The following FAM117B variants were observed in gnomAD, a reference collection of about 807,000 sequenced individuals.
The protein encoded by FAM117B is family with sequence similarity 117 member B, also known as protein FAM117B.
A neutral mutation model predicts 52.8 loss-of-function variants in FAM117B; 22 were observed. The ratio of observed to expected loss-of-function variants is 0.42; its 90% CI spans 0.30 to 0.59. The LOEUF (loss-of-function observed/expected upper bound fraction) is 0.59. Ranked by LOEUF, FAM117B falls within the 20% of genes least tolerant of loss-of-function variation. The pLI is 0.22. For missense variants in FAM117B, 678 were observed against 802.6 expected, an observed-to-expected ratio of 0.84 and a Z score of 1.88; for synonymous variants, 309 against 324.1, an observed-to-expected ratio of 0.95 and a Z score of 0.50.
intron 1 of FAM117B, among the ~76,000 whole-genome samples, chr2:202,668,422 G>A (rs1159895515): frequency 2.7e-5 from 4 of 145,698 alleles, no homozygotes; most frequent in Admixed American, 6.9e-5. Flanking sequence ...CAGCTACTTC[G>A]GAGGCTGAGG....
At chr2:202,764,665 T>C (rs1477087689) in intron 7 of FAM117B, among the ~76,000 whole-genome samples, 1 of 152,214 alleles carries the variant, frequency 6.6e-6, no homozygotes. Flanking sequence ...ATTTCTGTGT[T>C]GCTTTAACAA....
At chr2:202,739,493 C>T (rs1286480082) in intron 4 of FAM117B, among the ~76,000 whole-genome samples, 1 of 119,448 alleles carries the variant, frequency 8.4e-6, no homozygotes, top group East Asian at 3.0e-4. Context: ...CCTAGGGTTT[C>T]ACTCTGTCAC....
intron 2 of FAM117B, among the ~76,000 whole-genome samples, chr2:202,718,184 G>A (rs562723761): frequency 6.6e-6 from 1 of 151,484 alleles, no homozygotes; most frequent in Non-Finnish European, 1.5e-5. Flanking sequence ...CAGGGCAGTG[G>A]TTTCCCCTCT....
At chr2:202,716,930 C>G (rs1396511027) in intron 2 of FAM117B, among the ~76,000 whole-genome samples, 1 of 152,176 alleles carries the variant, frequency 6.6e-6, no homozygotes, top group Non-Finnish European at 1.5e-5. Flanking sequence ...TCTGTGTTAT[C>G]TGGAATTTCT....
chr2:202,636,601 T>G (rs1008170089), intron 1 of FAM117B, among the ~76,000 whole-genome samples: 1 of 152,212 alleles, frequency 6.6e-6, no homozygotes, highest in Non-Finnish European at 1.5e-5. Flanking sequence ...AAAGAGTAAC[T>G]CAAAAGAGAA....
intron 7 of FAM117B, among the ~76,000 whole-genome samples, chr2:202,765,048 A>C (rs1691954434): frequency 6.6e-6 from 1 of 152,202 alleles, no homozygotes; most frequent in African/African-American, 2.4e-5. Context: ...TGGCAGTGGA[A>C]TATACCATAC....
At chr2:202,745,217 T>A (rs1309326546) in intron 4 of FAM117B, among the ~76,000 whole-genome samples, 8 of 151,652 alleles carry the variant, frequency 5.3e-5, no homozygotes, top group Admixed American at 2.0e-4. Flanking sequence ...GAGGCAGAGG[T>A]TGCAGTGAGT....
intron 1 of FAM117B, among the ~76,000 whole-genome samples, chr2:202,689,738 T>C (rs1468251844): frequency 6.6e-6 from 1 of 151,906 alleles, no homozygotes; most frequent in East Asian, 1.9e-4. Context: ...GGCAAAATGG[T>C]GAAACTCCAT....
At chr2:202,702,896 G>A (rs1411564880) in intron 2 of FAM117B, among the ~76,000 whole-genome samples, 1 of 152,104 alleles carries the variant, frequency 6.6e-6, no homozygotes, top group Non-Finnish European at 1.5e-5. Context: ...AGGTATGTTT[G>A]TTAAGACATA....
intron 1 of FAM117B, among the ~76,000 whole-genome samples, chr2:202,650,239 G>A (rs77816240): frequency 6.6e-6 from 1 of 152,300 alleles, no homozygotes; most frequent in Non-Finnish European, 1.5e-5. Flanking sequence ...GATAGGATTT[G>A]TTAACTGATT....
chr2:202,754,762 T>C (rs1268157725), intron 4 of FAM117B, among the ~76,000 whole-genome samples: 1 of 150,414 alleles, frequency 6.6e-6, no homozygotes, highest in Non-Finnish European at 1.5e-5. Context: ...TGGTGGCGGG[T>C]GCCTGTAGTC....
intron 1 of FAM117B, among the ~76,000 whole-genome samples, chr2:202,639,558 C>CT (rs1689735502): frequency 6.6e-6 from 1 of 152,136 alleles, no homozygotes; most frequent in African/African-American, 2.4e-5. Flanking sequence ...ATTAAAATGT[C>CT]AAATAGATTA....
chr2:202,661,777 A>G lies in FAM117B; in HGVS notation c.601+25989A>G, dbSNP rs371824515. 2.4e-4 allele frequency among the ~76,000 whole-genome samples: 37 copies of G among 152,194 alleles called. No homozygotes were observed. The East Asian group carries it at 6.4e-3, about 26-fold the overall frequency. ...GTAAAAATACAAAAATTAGCCGGGCATGGTGGCGCGTGCCTGTAATCCCAG... is the reference window on the plus strand; with the variant it reads ...GTAAAAATACAAAAATTAGCCGGGCGTGGTGGCGCGTGCCTGTAATCCCAG... On this transcript the variant is annotated intron_variant, in intron 1 of 7. Transcript: ENST00000392238.
Position 202,755,656 on chromosome 2 carries a change from C to A in FAM117B, c.1079C>A (p.Thr360Asn). The change falls in exon 5 of 8, where the codon ACT becomes AAT. Residue 360 changes from threonine (T) to asparagine (N), a missense_variant. Thr to Asn is a moderately conservative substitution (Grantham distance 65). Coordinates refer to ENST00000392238, the MANE Select transcript of FAM117B (RefSeq NM_173511.4). ...GAGATTGAAATAATAATTAAAGAGA[C>A]TGGGGAAAAGGAAGAGCAACTTATA... ...NQEIEIIIKETGEKEEQLIPQ... is the reference protein window; with the variant it reads ...NQEIEIIIKENGEKEEQLIPQ... The A allele has an allele frequency of 6.2e-7, 1 of 1,613,500 alleles. No individual in the cohort carries two copies. Among genetic ancestry groups the A allele is most frequent in the South Asian group, 1.1e-5 (1 of 90,920 alleles).
chr2:202,717,038 CT>C (rs1201215359), intron 2 of FAM117B, among the ~76,000 whole-genome samples: 2 of 152,110 alleles, frequency 1.3e-5, no homozygotes, highest in Non-Finnish European at 2.9e-5. Flanking sequence ...TGAGGTCATG[CT>C]TTTGTGAATG....
Position 202,691,692 on chromosome 2 carries a change from TGTGTGTGC to T in FAM117B, c.602-4187_602-4180del, listed in dbSNP as rs1484259039. Among the ~76,000 whole-genome samples the T allele has an allele frequency of 7.9e-3, 1,086 of 137,824 alleles. 19 individuals are homozygous for T. Among genetic ancestry groups the T allele is most frequent in the African/African-American group, 0.028 (1,009 of 36,198 alleles). 90.4% of individuals were successfully genotyped at this position (137,824 alleles called of 152,430 possible). On this transcript the variant is annotated intron_variant, in intron 1 of 7. Transcript: ENST00000392238. ...GTGTGTGTGTGTGTGTGTGTGTGTG[TGTGTGTGC>T]GCGCGCGCCTCCCCACCCTGCCAGC...
chr2:202,658,322 GAGAC>G (rs1196540974), intron 1 of FAM117B, among the ~76,000 whole-genome samples: 13 of 151,972 alleles, frequency 8.6e-5, no homozygotes, highest in Admixed American at 8.5e-4. Context: ...TAAAAAAATT[GAGAC>G]AGAATCTCAC....
At chr2:202,755,447 T>C in intron 4 of FAM117B, 91 bp from the exon 5 acceptor site, 1 of 1,475,228 alleles carries the variant, frequency 6.8e-7, no homozygotes, top group Admixed American at 2.0e-5. Flanking sequence ...TTGATTTATT[T>C]TTGAGTTACT....
At chr2:202,709,317 C>G (rs1034172488) in intron 2 of FAM117B, among the ~76,000 whole-genome samples, 1 of 151,882 alleles carries the variant, frequency 6.6e-6, no homozygotes, top group African/African-American at 2.4e-5. Context: ...ATTCTCATGT[C>G]TCAGCCTCCC....
Sources: allele counts gnomAD v4.1 joint callset (sites outside exome capture counted in the v4.1 genomes callset), GRCh38; gene constraint gnomAD v4.1.1; transcripts MANE v1.5; gene names NCBI Gene and HGNC (gene_info 2026-07-23, HGNC 2026-07-21).